TRA2A: variants seen among roughly 807,000 people sequenced by gnomAD.
TRA2A encodes the protein transformer-2 protein homolog alpha.
In TRA2A, 31 loss-of-function variants were observed where a neutral mutation model predicts 45.7. That is an observed-to-expected ratio of 0.68 (90% CI 0.51 to 0.92). The LOEUF (loss-of-function observed/expected upper bound fraction) is 0.92, where lower values mean the gene tolerates loss of function less well. Among genes scored for constraint, TRA2A ranks in the 40% least tolerant of loss-of-function variants. The probability of loss-of-function intolerance (pLI) is 0.00; values close to 1 mark genes in which losing one functional copy is unlikely to be tolerated. For missense variants in TRA2A, 304 were observed against 367.5 expected (o/e 0.83, Z 1.41); for synonymous variants, 132 against 126.2 (o/e 1.05, Z -0.31).
chr7:23,526,900 T>C (rs1465313180), intron 1 of TRA2A, among the ~76,000 whole-genome samples: 1 of 152,170 alleles, frequency 6.6e-6, no homozygotes, highest in Non-Finnish European at 1.5e-5. Context: ...AAATACATGA[T>C]TTAGTAACTG....
At chr7:23,527,571 T>C (rs534922120) in intron 1 of TRA2A, among the ~76,000 whole-genome samples, 1 of 152,248 alleles carries the variant, frequency 6.6e-6, no homozygotes, top group Non-Finnish European at 1.5e-5. Flanking sequence ...ACTATGCTGA[T>C]TATTGATGAC....
chr7:23,513,303 A>G (rs1789710256), intron 3 of TRA2A, among the ~76,000 whole-genome samples: 1 of 152,202 alleles, frequency 6.6e-6, no homozygotes, highest in African/African-American at 2.4e-5. Flanking sequence ...TATAGCCTGA[A>G]TTAAAATGTT....
chr7:23,531,598 G>C, intron 1 of TRA2A, 191 bp downstream of exon 1: 3 of 620,910 alleles, frequency 4.8e-6, no homozygotes, highest in Non-Finnish European at 8.4e-6. Context: ...AAAAGGGGGA[G>C]GGGTGTTATC....
chr7:23,516,565 C>CA, intron 2 of TRA2A, 37 bp from the exon 3 acceptor site: 1 of 1,599,266 alleles, frequency 6.3e-7, no homozygotes, highest in South Asian at 1.1e-5. Context: ...AATACTGAAA[C>CA]AAAATGGCTA....
At chr7:23,518,868 G>A (rs901931510) in intron 2 of TRA2A, among the ~76,000 whole-genome samples, 1 of 151,686 alleles carries the variant, frequency 6.6e-6, no homozygotes, top group African/African-American at 2.4e-5. Context: ...TGTATTTTTA[G>A]TAGAGACGGG....
At chr7:23,520,814 T>C (rs2127998222) in intron 2 of TRA2A, among the ~76,000 whole-genome samples, 1 of 151,308 alleles carries the variant, frequency 6.6e-6, no homozygotes, top group South Asian at 2.1e-4. Flanking sequence ...TGCCTAAGCC[T>C]CCCAGGTAGC....
intron 1 of TRA2A, among the ~76,000 whole-genome samples, chr7:23,526,022 G>A (rs1390198628): frequency 6.6e-6 from 1 of 152,090 alleles, no homozygotes; most frequent in Non-Finnish European, 1.5e-5. Flanking sequence ...AATACAAGCT[G>A]GTTAAGAATT....
intron 2 of TRA2A, among the ~76,000 whole-genome samples, chr7:23,518,779 G>A (rs923684391): frequency 1.3e-5 from 2 of 151,578 alleles, no homozygotes; most frequent in Non-Finnish European, 2.9e-5. Flanking sequence ...CCACTTCCTG[G>A]GTTCAAGCGA....
intron 2 of TRA2A, among the ~76,000 whole-genome samples, chr7:23,517,331 T>C (rs1789919617): frequency 6.7e-6 from 1 of 148,806 alleles, no homozygotes; most frequent in Admixed American, 6.7e-5. Flanking sequence ...TACAAAAAAT[T>C]AGCTGGGCAT....
At chr7:23,531,246 G>A (rs1790568953) in intron 1 of TRA2A, 1 of 987,132 alleles carries the variant, frequency 1.0e-6, no homozygotes, top group Non-Finnish European at 1.2e-6. Flanking sequence ...AACGCCGCCG[G>A]TTCCAACAGA....
At chr7:23,506,349 A>G in intron 5 of TRA2A, 83 bp from the exon 6 acceptor site, 1 of 1,384,100 alleles carries the variant, frequency 7.2e-7, no homozygotes. Flanking sequence ...GGCTTAAAAA[A>G]GAGAAAAGTG....
intron 5 of TRA2A, 41 bp downstream of exon 5, chr7:23,507,379 G>T: frequency 1.3e-6 from 2 of 1,516,002 alleles, no homozygotes; most frequent in Non-Finnish European, 1.8e-6. Context: ...ACATATTTCT[G>T]GTGGATTTCA....
intron 1 of TRA2A, among the ~76,000 whole-genome samples, chr7:23,527,639 C>G (rs1257675094): frequency 6.6e-6 from 1 of 152,204 alleles, no homozygotes; most frequent in Non-Finnish European, 1.5e-5. Flanking sequence ...GGTTGATTTA[C>G]AAAATTAAGC....
chr7:23,507,224 C>G (rs1266384158), intron 5 of TRA2A, 196 bp downstream of exon 5: 19 of 538,642 alleles, frequency 3.5e-5, no homozygotes, highest in Non-Finnish European at 5.3e-5. Flanking sequence ...CCTCAGCTCC[C>G]GAGCAGCTGG....
At chr7:23,516,571 G>A (rs780309394) in intron 2 of TRA2A, 43 bp from the exon 3 acceptor site, 30 of 1,584,048 alleles carry the variant, frequency 1.9e-5, no homozygotes, top group Non-Finnish European at 2.4e-5. Flanking sequence ...GAAACAAAAT[G>A]GCTAAAGTCC....
chr7:23,521,714 T>C lies in TRA2A; in HGVS notation c.163A>G (p.Lys55Glu). ...TATCTTAAACACACTTACCTGGATTTTGATCTTGATCGAGAATGGGATTCA... is the reference window on the plus strand; with the variant it reads ...TATCTTAAACACACTTACCTGGATTCTGATCTTGATCGAGAATGGGATTCA... ...HSESHSRSRS[K>E]SRSRSRRHSH... The change falls in exon 2 of 8, where the codon AAA (lysine) becomes GAA (glutamate). Residue 55 changes from lysine (K) to glutamate (E), a missense_variant. Transcript: ENST00000297071. 1 of 1,614,124 alleles carries C rather than the reference T, an allele frequency of 6.2e-7. No homozygotes were observed. The highest frequency in any genetic ancestry group is 2.2e-5 in the East Asian group (1 of 44,878).
At chr7:23,511,439 A>G (rs1789616025) in intron 4 of TRA2A, among the ~76,000 whole-genome samples, 1 of 148,900 alleles carries the variant, frequency 6.7e-6, no homozygotes, top group East Asian at 2.0e-4. Context: ...AAACACCCTG[A>G]TTATTAAGGT....
chr7:23,526,680 C>T (rs1370310157), intron 1 of TRA2A, among the ~76,000 whole-genome samples: 1 of 152,140 alleles, frequency 6.6e-6, no homozygotes, highest in Non-Finnish European at 1.5e-5. Flanking sequence ...CTTCCATTAT[C>T]TTCTTAAACC....
chr7:23,513,366 C>T (rs567321931), intron 3 of TRA2A, among the ~76,000 whole-genome samples: 5 of 152,166 alleles, frequency 3.3e-5, no homozygotes, highest in African/African-American at 7.2e-5. Context: ...TCTTGTAATC[C>T]CAGCATTTTG....
Sources: allele counts gnomAD v4.1 joint callset (sites outside exome capture counted in the v4.1 genomes callset), GRCh38; gene constraint gnomAD v4.1.1; transcripts MANE v1.5; gene names NCBI Gene and HGNC (gene_info 2026-07-23, HGNC 2026-07-21).